CD36: variants seen among roughly 807,000 people sequenced by gnomAD.
CD36 encodes platelet glycoprotein 4.
A neutral mutation model predicts 55.2 loss-of-function variants in CD36; 119 were observed. The ratio of observed to expected loss-of-function variants is 2.15; its 90% CI spans 1.86 to 2.51. The LOEUF (loss-of-function observed/expected upper bound fraction) is 2.51, where lower values mean the gene tolerates loss of function less well. Among genes scored for constraint, CD36 ranks in the 30% most tolerant of loss-of-function variants. The pLI is 0.00. For synonymous variants in CD36, 186 were observed against 193.6 expected, an observed-to-expected ratio of 0.96 and a Z score of 0.33; for missense variants, 819 against 555.5, an observed-to-expected ratio of 1.47 and a Z score of -4.77.
At chr7:80,608,909 T>A (rs1792716247) in intron 1 of CD36, among the ~76,000 whole-genome samples, 1 of 151,874 alleles carries the variant, frequency 6.6e-6, no homozygotes, top group African/African-American at 2.4e-5. Flanking sequence ...TTTCCCACAT[T>A]TCCCACCCCC....
Position 80,678,853 on chromosome 7 carries a change from A to AG in CD36, c.*2470_*2471insG, listed in dbSNP as rs1190526075. ...GCGAGATTCCATCTCAAAAAAAAAA[A>AG]ACAGTATGCACGTACAAATTTCTTA... On this transcript the variant is annotated 3_prime_UTR_variant, in exon 15 of 15. Coordinates refer to ENST00000447544, the MANE Select transcript of CD36 (RefSeq NM_001001548.3). 6.6e-6 allele frequency: 1 copy of AG among 151,948 alleles called. No individual in the cohort carries two copies. The highest frequency in any genetic ancestry group is 1.5e-5 in the Non-Finnish European group (1 of 67,952). The allele number at this position is 151,948 out of a possible 1,614,324, so 9.4% of individuals were successfully genotyped here. A position where few individuals can be genotyped will look rare whatever the true frequency, so the allele number is the denominator to read the frequency against.
chr7:80,674,212 A>G (rs1361940299), intron 14 of CD36, 65 bp downstream of exon 14: 1 of 1,186,112 alleles, frequency 8.4e-7, no homozygotes, highest in Non-Finnish European at 1.2e-6. Context: ...TTTTCACTTT[A>G]TCAAAGAGAA....
intron 3 of CD36, 55 bp downstream of exon 3, chr7:80,646,915 T>A: frequency 6.2e-7 from 1 of 1,600,232 alleles, no homozygotes; most frequent in Non-Finnish European, 8.6e-7. Context: ...TAACTTCTCT[T>A]TTTTTGCTTT....
intron 1 of CD36, among the ~76,000 whole-genome samples, chr7:80,607,891 C>T (rs1188936953): frequency 6.6e-6 from 1 of 152,134 alleles, no homozygotes; most frequent in Non-Finnish European, 1.5e-5. Context: ...CCTGCCTCAT[C>T]CTCCCGAGTG....
upstream of CD36, among the ~76,000 whole-genome samples, chr7:80,636,191 T>C (rs1000719588): frequency 3.3e-5 from 5 of 152,004 alleles, no homozygotes; most frequent in Admixed American, 3.3e-4. Flanking sequence ...AGGAGGCTTG[T>C]AGGAAGTGGG....
At chr7:80,668,173 T>G (rs1165150353) in intron 8 of CD36, among the ~76,000 whole-genome samples, 1 of 152,192 alleles carries the variant, frequency 6.6e-6, no homozygotes. Flanking sequence ...GCGGAATACT[T>G]AGTCCTTAGA....
At chr7:80,626,204 G>A (rs993872445) in intron 1 of CD36, 2 of 151,966 alleles carry the variant, frequency 1.3e-5, no homozygotes, top group Non-Finnish European at 2.9e-5. Flanking sequence ...AACTTAGCTG[G>A]CATTGTGGCA....
In CD36 at chr7:80,656,424, A is replaced by AT. The variant is rs1193563126; in HGVS notation, c.121-115dup. The AT allele has an allele frequency of 6.2e-6, 5 of 811,848 alleles. No homozygotes were observed. The African/African-American group carries it at 8.6e-5, about 14-fold the overall frequency. The allele number at this position is 811,848 out of a possible 1,614,324, so 50.3% of individuals were successfully genotyped here. ...GGTAAGGTTGCAAAGGTTCTCATGAATGAGGTACTTGGGCTTGGTCCTTTT... is the reference window on the plus strand; with the variant it reads ...GGTAAGGTTGCAAAGGTTCTCATGAATTGAGGTACTTGGGCTTGGTCCTTTT... On this transcript the variant is annotated intron_variant, in intron 3 of 14. Transcript: ENST00000447544.
chr7:80,656,784 A>G (rs1796126119), intron 4 of CD36, 84 bp downstream of exon 4: 2 of 1,208,846 alleles, frequency 1.7e-6, no homozygotes, highest in Admixed American at 1.7e-5. Context: ...ATGTCATTGT[A>G]TTGAAATGTA....
intron 3 of CD36, among the ~76,000 whole-genome samples, chr7:80,653,320 G>A (rs3211842): frequency 0.42 from 63,612 of 152,062 alleles, 13,671 homozygotes; most frequent in South Asian, 0.67. Context: ...AGTATGAAGG[G>A]CATTTTAATA....
At chr7:80,672,195 A>T (rs1325489186) in intron 11 of CD36, among the ~76,000 whole-genome samples, 155 bp downstream of exon 11, 1 of 151,782 alleles carries the variant, frequency 6.6e-6, no homozygotes, top group African/African-American at 2.4e-5. Context: ...ATTTCTTCCT[A>T]TGGTTTATGA....
rs564464741 is a variant in CD36, at chr7:80,654,801, C to A, written c.121-1739C>A. 1.5e-4 allele frequency among the ~76,000 whole-genome samples: 23 copies of A among 151,602 alleles called. No homozygotes were observed. The South Asian group carries it at 4.0e-3, about 26-fold the overall frequency. Reference sequence around the variant, plus strand: ...CTTCTCTAAGGAATTCGCTTATTCCCTACATTAAGCAATAAGTAAAATATC... The same window carrying A: ...CTTCTCTAAGGAATTCGCTTATTCCATACATTAAGCAATAAGTAAAATATC... On this transcript the variant is annotated intron_variant, in intron 3 of 14. Coordinates refer to ENST00000447544, the MANE Select transcript of CD36 (RefSeq NM_001001548.3).
chr7:80,613,229 A>G (rs79519240), intron 1 of CD36, among the ~76,000 whole-genome samples: 2,535 of 152,232 alleles, frequency 0.017, 21 homozygotes, highest in Non-Finnish European at 0.027. Flanking sequence ...CTTTTTAAAC[A>G]TGAGCTGCAT....
intron 1 of CD36, chr7:80,624,024 C>T (rs939121871): frequency 2.0e-5 from 3 of 152,214 alleles, no homozygotes; most frequent in African/African-American, 7.2e-5. Flanking sequence ...CACAGCCATT[C>T]TTCGACACTA....
At chr7:80,672,108 CTT>C in intron 11 of CD36, 68 bp downstream of exon 11, 1 of 1,226,086 alleles carries the variant, frequency 8.2e-7, no homozygotes, top group Non-Finnish European at 1.2e-6. Context: ...TAAAAATAAT[CTT>C]GTCGATGATT....
At chr7:80,670,235 C>T (rs113736040) in intron 9 of CD36, 1 of 558,002 alleles carries the variant, frequency 1.8e-6, no homozygotes, top group Non-Finnish European at 3.2e-6. Flanking sequence ...CTTTTAAAAA[C>T]TAAACTAGTA....
intron 1 of CD36, among the ~76,000 whole-genome samples, chr7:80,614,538 G>A (rs1164312228): frequency 6.6e-6 from 1 of 152,096 alleles, no homozygotes; most frequent in Non-Finnish European, 1.5e-5. Flanking sequence ...AATTATCAAT[G>A]TCTCTTGTAC....
chr7:80,667,524 T>A (rs138362290), intron 8 of CD36, among the ~76,000 whole-genome samples: 1 of 150,170 alleles, frequency 6.7e-6, no homozygotes, highest in Non-Finnish European at 1.5e-5. Flanking sequence ...AACAAAAGCA[T>A]GAAGTTTAGA....
At chr7:80,617,815 T>G (rs932014665) in intron 1 of CD36, among the ~76,000 whole-genome samples, 2 of 152,096 alleles carry the variant, frequency 1.3e-5, no homozygotes, top group African/African-American at 4.8e-5. Context: ...CACTTGACTA[T>G]GATATTCTTT....
Sources: allele counts gnomAD v4.1 joint callset (sites outside exome capture counted in the v4.1 genomes callset), GRCh38; gene constraint gnomAD v4.1.1; transcripts MANE v1.5; gene names NCBI Gene and HGNC (gene_info 2026-07-23, HGNC 2026-07-21).